The following ACOT13 variants were observed in gnomAD, a reference collection of about 807,000 sequenced individuals.
ACOT13 encodes the protein acyl-coenzyme A thioesterase 13.
In ACOT13, 10 loss-of-function variants were observed where a neutral mutation model predicts 11.8. The observed-to-expected ratio is 0.85, with a 90% confidence interval of 0.53 to 1.44. ACOT13 has a LOEUF of 1.44. Ranked by LOEUF, ACOT13 falls within the 40% of genes most tolerant of loss-of-function variation. ACOT13 has a pLI of 0.00. For synonymous variants in ACOT13, 53 were observed against 61.0 expected, an observed-to-expected ratio of 0.87 and a Z score of 0.61; for missense variants, 172 against 174.1, an observed-to-expected ratio of 0.99 and a Z score of 0.07.
At chr6:24,687,647 G>A in intron 1 of ACOT13, 1 of 1,529,926 alleles carries the variant, frequency 6.5e-7, no homozygotes, top group Non-Finnish European at 8.8e-7. Context: ...AGACATACAG[G>A]CTTGAGAGAA....
chr6:24,673,365 A>T (rs1171348973), intron 1 of ACOT13, among the ~76,000 whole-genome samples: 1 of 152,002 alleles, frequency 6.6e-6, no homozygotes, highest in African/African-American at 2.4e-5. Flanking sequence ...AAATTCTCTT[A>T]TAATTTTTTT....
intron 1 of ACOT13, chr6:24,687,614 A>G (rs1297608488): frequency 4.7e-6 from 7 of 1,477,956 alleles, no homozygotes; most frequent in African/African-American, 1.5e-5. Flanking sequence ...GAGAAGCAGT[A>G]AAGATTTAGG....
chr6:24,693,390 CAGT>C (rs1225307235), intron 1 of ACOT13, among the ~76,000 whole-genome samples: 1 of 152,170 alleles, frequency 6.6e-6, no homozygotes, highest in East Asian at 1.9e-4. Flanking sequence ...GCAGTGGAGG[CAGT>C]GGTGGTGAGC....
At position 24,704,921 on chromosome 6, in the gene ACOT13, C is replaced by A. The variant is rs12215989; in HGVS notation, c.*3306C>A. ...CCTATTTTATTTAGGTTTTCTTTTT[C>A]TTTTTTTCTTTTTTTTTCAAATTCC... On this transcript the variant is annotated 3_prime_UTR_variant, in exon 3 of 3. Transcript: ENST00000230048. 2 of 151,750 alleles carry A rather than the reference C, an allele frequency of 1.3e-5. No individual in the cohort carries two copies. Among genetic ancestry groups the A allele is most frequent in the African/African-American group, 2.4e-5 (1 of 41,300 alleles). The allele number at this position is 151,750 out of a possible 1,614,324, so 9.4% of individuals were successfully genotyped here. A position where few individuals can be genotyped will look rare whatever the true frequency, so the allele number is the denominator to read the frequency against.
chr6:24,699,754 A>G (rs1373590934), intron 2 of ACOT13, among the ~76,000 whole-genome samples: 3 of 152,176 alleles, frequency 2.0e-5, no homozygotes, highest in African/African-American at 4.8e-5. Flanking sequence ...ATTTTCCCTA[A>G]AAGTCTCTAT....
At chr6:24,668,836 GC>G (rs1486284019) in intron 1 of ACOT13, among the ~76,000 whole-genome samples, 2 of 152,156 alleles carry the variant, frequency 1.3e-5, no homozygotes, top group African/African-American at 4.8e-5. Context: ...TTACTTCTTA[GC>G]GTAATTTTGC....
At chr6:24,688,539 C>CAA (rs34225480) in intron 1 of ACOT13, among the ~76,000 whole-genome samples, 1,126 of 82,222 alleles carry the variant, frequency 0.014, 16 homozygotes, top group East Asian at 0.02. Context: ...GACCCTGTCT[C>CAA]AAAAAAAAAA....
Position 24,704,934 on chromosome 6 carries a change from T to C in ACOT13, c.*3319T>C, listed in dbSNP as rs1778973890. 6.6e-6 allele frequency: 1 copy of C among 152,416 alleles called. No individual in the cohort carries two copies. The highest frequency in any genetic ancestry group is 1.5e-5 in the Non-Finnish European group (1 of 67,976). 9.4% of individuals were successfully genotyped at this position (152,416 alleles called of 1,614,324 possible). ...GGTTTTCTTTTTCTTTTTTTCTTTTTTTTTCAAATTCCAACCAGAAGCTAA... is the reference window on the plus strand; with the variant it reads ...GGTTTTCTTTTTCTTTTTTTCTTTTCTTTTCAAATTCCAACCAGAAGCTAA... On this transcript the variant is annotated 3_prime_UTR_variant, in exon 3 of 3. Transcript: ENST00000230048.
chr6:24,700,687 C>T (rs9467263), intron 2 of ACOT13, among the ~76,000 whole-genome samples: 6,610 of 152,066 alleles, frequency 0.043, 398 homozygotes, highest in African/African-American at 0.13. Flanking sequence ...CTGCCCACCT[C>T]GGCCTCCCAA....
intron 1 of ACOT13, among the ~76,000 whole-genome samples, chr6:24,669,087 C>T (rs933248927): frequency 2.6e-5 from 4 of 152,176 alleles, no homozygotes; most frequent in African/African-American, 9.7e-5. Flanking sequence ...ATAACTAAAC[C>T]TTGTGAACCC....
intron 1 of ACOT13, among the ~76,000 whole-genome samples, chr6:24,671,852 A>T (rs1272920925): frequency 6.6e-6 from 1 of 152,230 alleles, no homozygotes; most frequent in Admixed American, 6.5e-5. Flanking sequence ...ATTATTACTG[A>T]TAATGTACAC....
At chr6:24,700,466 TG>T (rs1778875362) in intron 2 of ACOT13, among the ~76,000 whole-genome samples, 1 of 143,290 alleles carries the variant, frequency 7.0e-6, no homozygotes, top group African/African-American at 2.6e-5. Flanking sequence ...GATGGAATCT[TG>T]CTCTGTTGCC....
Position 24,701,451 on chromosome 6 carries a change from C to T in ACOT13, c.267-8C>T, listed in dbSNP as rs1173558873. 1 of 1,598,240 alleles carries T rather than the reference C, an allele frequency of 6.3e-7. No individual in the cohort carries two copies. Among genetic ancestry groups the T allele is most frequent in the Non-Finnish European group, 8.5e-7 (1 of 1,171,568 alleles). Reference sequence around the variant, plus strand: ...ATCTGCTGTTAACTATATTCATTTTCTTTCAAGGTACATGTCACCTGCAAA... The same window carrying T: ...ATCTGCTGTTAACTATATTCATTTTTTTTCAAGGTACATGTCACCTGCAAA... On this transcript the variant is annotated splice_polypyrimidine_tract_variant and splice_region_variant and intron_variant, in intron 2 of 2. Transcript: ENST00000230048.
chr6:24,667,530 T>C (rs935351058), intron 1 of ACOT13, among the ~76,000 whole-genome samples, 186 bp downstream of exon 1: 1 of 152,204 alleles, frequency 6.6e-6, no homozygotes, highest in African/African-American at 2.4e-5. Context: ...GTCGAACGCG[T>C]AAGTTCTCTA....
intron 1 of ACOT13, among the ~76,000 whole-genome samples, chr6:24,681,689 C>A (rs998618200): frequency 6.6e-6 from 1 of 151,990 alleles, no homozygotes; most frequent in East Asian, 1.9e-4. Context: ...AGGAGGGACA[C>A]CAGGGATAAG....
intron 1 of ACOT13, among the ~76,000 whole-genome samples, chr6:24,682,151 C>T (rs1017480151): frequency 6.6e-6 from 1 of 152,200 alleles, no homozygotes; most frequent in African/African-American, 2.4e-5. Flanking sequence ...GTCTTAAGTC[C>T]GGCGGCCACG....
intron 1 of ACOT13, among the ~76,000 whole-genome samples, chr6:24,669,153 G>A (rs1778317230): frequency 6.6e-6 from 1 of 152,228 alleles, no homozygotes; most frequent in African/African-American, 2.4e-5. Flanking sequence ...CCAAGGTTGA[G>A]GATGCGCACG....
chr6:24,685,332 C>CTTTTTTTTTTTTTTTTTTTTTTTTTTT (rs563020332), intron 1 of ACOT13, among the ~76,000 whole-genome samples: 1 of 116,784 alleles, frequency 8.6e-6, no homozygotes. Flanking sequence ...TTTTACTGTA[C>CTTTTTTTTTTTTTTTTTTTTTTTTTTT]TTTTTTTTTT....
intron 1 of ACOT13, among the ~76,000 whole-genome samples, chr6:24,675,703 T>C (rs1358437983): frequency 6.6e-6 from 1 of 152,246 alleles, no homozygotes; most frequent in Admixed American, 6.5e-5. Context: ...TAATGGTAGT[T>C]TCTTTTGCTG....
Sources: gnomAD v4.1 joint callset for allele counts (sites outside exome capture counted in the v4.1 genomes callset) on GRCh38, gnomAD v4.1.1 for gene constraint, MANE v1.5 for transcripts, NCBI Gene and HGNC (gene_info 2026-07-23, HGNC 2026-07-21) for gene names.